The following SEM1 variants were observed in gnomAD, a reference collection of about 807,000 sequenced individuals.
SEM1 encodes 26S proteasome complex subunit SEM1.
In SEM1, 3 loss-of-function variants were observed where a neutral mutation model predicts 12.7. The observed-to-expected ratio is 0.24, with a 90% CI of 0.11 to 0.61. The LOEUF (loss-of-function observed/expected upper bound fraction) is 0.61. SEM1 is among the 20% of genes least tolerant of loss of function. The pLI, the probability that SEM1 is intolerant of heterozygous loss-of-function variation, is 0.88. For synonymous variants in SEM1, 30 were observed against 27.8 expected (o/e 1.08, Z -0.25); for missense variants, 59 against 81.3 (o/e 0.73, Z 1.06).
chr7:96,596,504 T>C (rs148016490), intron 2 of SEM1, among the ~76,000 whole-genome samples: 2 of 152,306 alleles, frequency 1.3e-5, no homozygotes, highest in East Asian at 3.9e-4. Flanking sequence ...GGAGGCCGTG[T>C]GCATCTTGAT....
chr7:96,685,648 G>A (rs1164669051), downstream of SEM1, among the ~76,000 whole-genome samples: 1 of 151,888 alleles, frequency 6.6e-6, no homozygotes, highest in African/African-American at 2.4e-5. Flanking sequence ...AAATGTACAT[G>A]ATAACATTAC....
chr7:96,667,278 C>T (rs773598707), intron 2 of SEM1, among the ~76,000 whole-genome samples: 2 of 152,136 alleles, frequency 1.3e-5, no homozygotes, highest in African/African-American at 4.8e-5. Context: ...CAGCCTTTGG[C>T]GGCCGGTTTC....
At chr7:96,513,734 C>A (rs1345952631) in intron 2 of SEM1, among the ~76,000 whole-genome samples, 2 of 151,980 alleles carry the variant, frequency 1.3e-5, no homozygotes, top group Non-Finnish European at 2.9e-5. Context: ...GAGGCTGAGG[C>A]AGGAGAATCA....
At chr7:96,635,235 C>G (rs1808396560) in intron 2 of SEM1, among the ~76,000 whole-genome samples, 1 of 151,856 alleles carries the variant, frequency 6.6e-6, no homozygotes. Context: ...AGAGAAAGAC[C>G]AGGATGGGGG....
chr7:96,709,232 C>G (rs750429679), intron 1 of SEM1, among the ~76,000 whole-genome samples: 2 of 152,306 alleles, frequency 1.3e-5, no homozygotes, highest in Non-Finnish European at 2.9e-5. Context: ...TCCTATCCTA[C>G]TTAATGAGGC....
chr7:96,622,739 G>T, intron 2 of SEM1: 1 of 697,086 alleles, frequency 1.4e-6, no homozygotes, highest in South Asian at 1.5e-5. Flanking sequence ...AAGCCATGTA[G>T]ATCATAAAAT....
chr7:96,511,126 T>C (rs2117298654), intron 2 of SEM1, among the ~76,000 whole-genome samples: 1 of 152,178 alleles, frequency 6.6e-6, no homozygotes, highest in Non-Finnish European at 1.5e-5. Context: ...TTATATGAGA[T>C]GAGATGATAT....
intron 1 of SEM1, among the ~76,000 whole-genome samples, chr7:96,707,538 A>G (rs1221672297): frequency 3.3e-5 from 5 of 152,260 alleles, no homozygotes; most frequent in African/African-American, 1.2e-4. Flanking sequence ...CCTGAAGACA[A>G]CAAACATTCT....
chr7:96,622,246 C>A, downstream of SEM1: 1 of 178,680 alleles, frequency 5.6e-6, no homozygotes, highest in Non-Finnish European at 1.1e-5. Context: ...CTAATAAACT[C>A]ACCAGAACAT....
rs537126346 is a variant in SEM1 at position 96,648,052 on chromosome 7, C to G, written c.171-25409G>C. Among the ~76,000 whole-genome samples, 6 of 152,256 alleles carry G rather than the reference C, an allele frequency of 3.9e-5. No individual in the cohort carries two copies. In the East Asian group the frequency reaches 9.7e-4, roughly 25 times the overall value. On this transcript the variant is annotated intron_variant, in intron 2 of 2. Transcript: ENST00000417009. ...AAGTGTAATGTTGGAATAATATTCA[C>G]ACAACACTGGCTGCATCTTCGTTTT... is the stretch of plus-strand genomic sequence containing the variant.
downstream of SEM1, among the ~76,000 whole-genome samples, chr7:96,671,704 T>C (rs1270916026): frequency 6.6e-6 from 1 of 152,200 alleles, no homozygotes; most frequent in Non-Finnish European, 1.5e-5. Flanking sequence ...AAAAGCATCC[T>C]ACCCTGGAGA....
chr7:96,511,306 C>T (rs1301206881), intron 2 of SEM1, among the ~76,000 whole-genome samples: 1 of 152,020 alleles, frequency 6.6e-6, no homozygotes, highest in African/African-American at 2.4e-5. Context: ...CTGTGCTAGT[C>T]CAATCGAGTG....
upstream of SEM1, among the ~76,000 whole-genome samples, chr7:96,497,701 G>T (rs1280212452): frequency 6.6e-6 from 1 of 152,132 alleles, no homozygotes; most frequent in African/African-American, 2.4e-5. Flanking sequence ...ATGTGAAACA[G>T]CAATTTTTAG....
At chr7:96,508,931 T>C (rs1803839877) in intron 2 of SEM1, among the ~76,000 whole-genome samples, 1 of 152,056 alleles carries the variant, frequency 6.6e-6, no homozygotes, top group Admixed American at 6.6e-5. Context: ...TGAAAAAGTG[T>C]AGTGATTTGA....
At chr7:96,604,512 T>C (rs1807288296) in intron 2 of SEM1, among the ~76,000 whole-genome samples, 1 of 152,168 alleles carries the variant, frequency 6.6e-6, no homozygotes, top group East Asian at 1.9e-4. Context: ...GAGTTTTACA[T>C]GCTTTGTAAG....
intron 2 of SEM1, among the ~76,000 whole-genome samples, chr7:96,584,328 G>A (rs185019860): frequency 4.9e-4 from 75 of 152,252 alleles, no homozygotes; most frequent in African/African-American, 1.8e-3. Context: ...AGTTTCTGTC[G>A]AGAGATCTGC....
intron 2 of SEM1, among the ~76,000 whole-genome samples, chr7:96,634,604 T>C (rs1363956010): frequency 1.3e-5 from 2 of 148,388 alleles, no homozygotes; most frequent in Non-Finnish European, 3.0e-5. Flanking sequence ...ATGTATATAA[T>C]ATATATAATA....
At chr7:96,540,780 C>T (rs1225132388) in intron 2 of SEM1, among the ~76,000 whole-genome samples, 1 of 151,730 alleles carries the variant, frequency 6.6e-6, no homozygotes, top group Admixed American at 6.6e-5. Flanking sequence ...TTATTGCCAT[C>T]TTTATTCCAT....
intron 2 of SEM1, among the ~76,000 whole-genome samples, chr7:96,690,839 C>T (rs1445553420): frequency 2.0e-5 from 3 of 152,086 alleles, no homozygotes; most frequent in African/African-American, 7.2e-5. Flanking sequence ...GGTGCCATCT[C>T]GGCTCACTGC....
Sources: gnomAD v4.1 joint callset for allele counts (sites outside exome capture counted in the v4.1 genomes callset) on GRCh38, gnomAD v4.1.1 for gene constraint, MANE v1.5 for transcripts, NCBI Gene and HGNC (gene_info 2026-07-23, HGNC 2026-07-21) for gene names.